CHST9: variants seen among roughly 807,000 people sequenced by gnomAD.
CHST9 encodes carbohydrate sulfotransferase 9.
CHST9 carries 41 observed loss-of-function variants against 44.4 expected under a neutral mutation model. The observed-to-expected ratio is 0.92, with a 90% CI of 0.72 to 1.20. CHST9 has a LOEUF of 1.20. Ranked by LOEUF, CHST9 falls within the 50% of genes most tolerant of loss-of-function variation. CHST9 has a pLI of 0.00. For missense variants in CHST9, 504 were observed against 516.5 expected (o/e 0.98, Z 0.23); for synonymous variants, 171 against 178.4 (o/e 0.96, Z 0.33).
intron 3 of CHST9, among the ~76,000 whole-genome samples, chr18:27,027,553 C>A (rs148610521): frequency 6.6e-6 from 1 of 152,106 alleles, no homozygotes; most frequent in African/African-American, 2.4e-5. Flanking sequence ...CGCCTGGATG[C>A]GCCATTATTA....
chr18:27,024,963 T>C (rs1029317385), intron 3 of CHST9, among the ~76,000 whole-genome samples: 1 of 151,760 alleles, frequency 6.6e-6, no homozygotes, highest in Non-Finnish European at 1.5e-5. Flanking sequence ...CTGAGAACAA[T>C]CTTACAGAGC....
intron 2 of CHST9, among the ~76,000 whole-genome samples, chr18:27,050,604 T>C (rs1293529890): frequency 6.6e-6 from 1 of 152,214 alleles, no homozygotes; most frequent in Non-Finnish European, 1.5e-5. Flanking sequence ...AACTGGCACC[T>C]TGATTAATGG....
intron 5 of CHST9, chr18:26,928,305 G>C (rs776064858): frequency 6.6e-6 from 1 of 152,392 alleles, no homozygotes; most frequent in Non-Finnish European, 1.5e-5. Flanking sequence ...GTGCACCAGG[G>C]GGCCAGAGAC....
At chr18:27,076,675 C>T (rs975470603) in intron 2 of CHST9, among the ~76,000 whole-genome samples, 95 of 152,174 alleles carry the variant, frequency 6.2e-4, no homozygotes, top group African/African-American at 2.1e-3. Context: ...TCCTGGTTTT[C>T]CTCTGCATAA....
chr18:26,975,059 G>A (rs914856034), intron 4 of CHST9, among the ~76,000 whole-genome samples: 5 of 152,198 alleles, frequency 3.3e-5, no homozygotes, highest in Non-Finnish European at 7.3e-5. Flanking sequence ...GAGCTGTTAC[G>A]CGGCAGAGCT....
intron 4 of CHST9, among the ~76,000 whole-genome samples, chr18:27,005,523 A>G (rs996353362): frequency 6.6e-6 from 1 of 152,200 alleles, no homozygotes. Flanking sequence ...TAACTAGAAC[A>G]TTCAACAAAT....
At chr18:27,075,888 T>C (rs1469623262) in intron 2 of CHST9, among the ~76,000 whole-genome samples, 1 of 152,190 alleles carries the variant, frequency 6.6e-6, no homozygotes, top group Non-Finnish European at 1.5e-5. Flanking sequence ...GAGCAAATTA[T>C]TAAACTCTAG....
chr18:27,142,472 G>A (rs2058575965), intron 2 of CHST9, among the ~76,000 whole-genome samples: 2 of 152,090 alleles, frequency 1.3e-5, no homozygotes, highest in South Asian at 4.1e-4. Flanking sequence ...CCCCCACTGA[G>A]ATAACAAAAA....
intron 5 of CHST9, among the ~76,000 whole-genome samples, chr18:26,937,520 A>G (rs952571575): frequency 3.3e-5 from 5 of 152,186 alleles, no homozygotes; most frequent in Non-Finnish European, 7.3e-5. Context: ...ATACACCTGG[A>G]TTCACATTTG....
At chr18:27,164,109 C>G (rs1369815847) in intron 1 of CHST9, among the ~76,000 whole-genome samples, 1 of 152,008 alleles carries the variant, frequency 6.6e-6, no homozygotes, top group African/African-American at 2.4e-5. Context: ...AAAGGTTGAC[C>G]AGGTTGCCCC....
At position 26,911,707 on chromosome 18, in the gene CHST9, A is replaced by G. The variant is rs924473536; in HGVS notation, c.*4552T>C. The G allele has an allele frequency of 2.0e-5, 3 of 152,198 alleles. No homozygotes were observed. Among genetic ancestry groups the G allele is most frequent in the African/African-American group, 7.2e-5 (3 of 41,454 alleles). 9.4% of individuals were successfully genotyped at this position (152,198 alleles called of 1,614,324 possible). ...AAGCATATGATCCTGGTGAAAAACT[A>G]AGATGTGACTGACTAGGAAATTCTG... On this transcript the variant is annotated 3_prime_UTR_variant, in exon 6 of 6. Coordinates refer to ENST00000618847, the MANE Select transcript of CHST9 (RefSeq NM_031422.6).
Position 27,169,670 on chromosome 18 carries a change from G to A in CHST9, c.-97+15466C>T, listed in dbSNP as rs761440216. On this transcript the variant is annotated intron_variant, in intron 1 of 5. Coordinates refer to ENST00000618847, the MANE Select transcript of CHST9 (RefSeq NM_031422.6). ...CCCAGGCTGGAGTGTGCAGTGGCAC[G>A]ATCTTGGCTCACTGCAAGCTCCGCC... 6.7e-5 allele frequency among the ~76,000 whole-genome samples: 9 copies of A among 133,842 alleles called. No homozygotes were observed. The East Asian group carries it at 2.1e-3, about 31-fold the overall frequency. 87.8% of individuals were successfully genotyped at this position (133,842 alleles called of 152,430 possible).
chr18:27,164,434 G>T lies in CHST9; in HGVS notation c.-97+20702C>A, dbSNP rs551230381. On this transcript the variant is annotated intron_variant, in intron 1 of 5. Coordinates refer to ENST00000618847, the MANE Select transcript of CHST9 (RefSeq NM_031422.6). ...AGTAAACAAAAAGAAAAAAAAAGATGGAAAATTGAAGAGGAAAAAAAGCCA... is the reference window on the plus strand; with the variant it reads ...AGTAAACAAAAAGAAAAAAAAAGATTGAAAATTGAAGAGGAAAAAAAGCCA... Among the ~76,000 whole-genome samples, 8 of 151,612 alleles carry T rather than the reference G, an allele frequency of 5.3e-5. No individual in the cohort carries two copies. In the South Asian group the frequency reaches 1.7e-3, roughly 32 times the overall value.
chr18:26,962,293 C>CTT (rs71171604), intron 4 of CHST9, among the ~76,000 whole-genome samples: 38,908 of 140,598 alleles, frequency 0.28, 6,381 homozygotes, highest in African/African-American at 0.45. Context: ...TTATAGTCTC[C>CTT]TTTTTTTTTT....
chr18:27,022,906 G>A (rs568156506), intron 4 of CHST9, among the ~76,000 whole-genome samples: 1 of 152,268 alleles, frequency 6.6e-6, no homozygotes, highest in East Asian at 1.9e-4. Context: ...AGACAAAAAG[G>A]GAATTTTATT....
At chr18:26,951,183 C>G (rs1167783208) in intron 4 of CHST9, among the ~76,000 whole-genome samples, 2 of 152,162 alleles carry the variant, frequency 1.3e-5, no homozygotes, top group African/African-American at 2.4e-5. Flanking sequence ...TTTGTAGAAA[C>G]AGCCCTAACC....
chr18:26,978,136 G>T lies in CHST9; in HGVS notation c.203-33770C>A, dbSNP rs186884682. 1.0e-2 allele frequency among the ~76,000 whole-genome samples: 1,407 copies of T among 141,296 alleles called. 23 individuals are homozygous for T. Among genetic ancestry groups the T allele is most frequent in the African/African-American group, 0.033 (1,343 of 40,194 alleles). 92.7% of individuals were successfully genotyped at this position (141,296 alleles called of 152,430 possible). On this transcript the variant is annotated intron_variant, in intron 4 of 5. Transcript: ENST00000618847. ...AAAATTTTGTTCAAAGTGGAAAATA[G>T]ATTTTTTTTTGCAATAAAACAGAAA...
At chr18:27,065,068 T>C (rs568783115) in intron 2 of CHST9, among the ~76,000 whole-genome samples, 1 of 152,326 alleles carries the variant, frequency 6.6e-6, no homozygotes, top group South Asian at 2.1e-4. Context: ...CAGAAAACTC[T>C]TCCATAAACA....
intron 1 of CHST9, among the ~76,000 whole-genome samples, chr18:27,172,195 C>G (rs899948411): frequency 6.6e-6 from 1 of 152,124 alleles, no homozygotes; most frequent in Non-Finnish European, 1.5e-5. Flanking sequence ...GCTTACATAG[C>G]TATTTTCTTT....
Sources: gnomAD v4.1 joint callset for allele counts (sites outside exome capture counted in the v4.1 genomes callset) on GRCh38, gnomAD v4.1.1 for gene constraint, MANE v1.5 for transcripts, NCBI Gene and HGNC (gene_info 2026-07-23, HGNC 2026-07-21) for gene names.